UBA1: variants seen among roughly 807,000 people sequenced by gnomAD.
UBA1 encodes the protein ubiquitin-like modifier-activating enzyme 1.
A neutral mutation model predicts 84.7 loss-of-function variants in UBA1; 4 were observed. The observed-to-expected ratio is 0.05, with a 90% CI of 0.02 to 0.11. The LOEUF (loss-of-function observed/expected upper bound fraction) is 0.11. UBA1 is among the 10% of genes least tolerant of loss of function. The probability of loss-of-function intolerance (pLI) is 1.00; values close to 1 mark genes in which losing one functional copy is unlikely to be tolerated. For synonymous variants in UBA1, 364 were observed against 362.6 expected (o/e 1.00, Z -0.04); for missense variants, 513 against 902.8 (o/e 0.57, Z 5.53).
chrX:47,201,189 C>T, intron 6 of UBA1, 87 bp from the exon 7 acceptor site: 1 of 918,095 alleles, frequency 1.1e-6, no homozygotes, highest in Non-Finnish European at 1.6e-6. Context: ...TGAGTTTGCT[C>T]AGCAAGTTTT....
rs141049438 is a variant in UBA1, at chrX:47,202,827, G to A, written c.1233+13G>A. ...GGAAGTCATGAAGGTCAGCACGGGT[G>A]GGGAGAGGCAGGATTGGGGTGGGCC... On this transcript the variant is annotated intron_variant, in intron 11 of 25. Transcript: ENST00000335972. 523 of 1,203,847 alleles carry A rather than the reference G, an allele frequency of 4.3e-4. No individual in the cohort carries two copies. The African/African-American group carries it at 8.7e-3, about 20-fold the overall frequency.
chrX:47,206,643 AT>A (rs1393950238), intron 16 of UBA1, 199 bp downstream of exon 16: 83 of 436,792 alleles, frequency 1.9e-4, no homozygotes, highest in African/African-American at 1.4e-3. Context: ...TTTTATTTTG[AT>A]TTTTTTTTCA....
At chrX:47,212,232 T>C (rs1936955212) in intron 20 of UBA1, among the ~76,000 whole-genome samples, 192 bp from the exon 21 acceptor site, 1 of 110,798 alleles carries the variant, frequency 9.0e-6, no homozygotes, top group Admixed American at 9.6e-5. Context: ...CTCAGCTCTT[T>C]CTCTGTGTTT....
In UBA1 at chrX:47,206,190, C is replaced by T. The variant is rs5953008; in HGVS notation, c.1742-58C>T. On this transcript the variant is annotated intron_variant, in intron 15 of 25. Coordinates refer to ENST00000335972, the MANE Select transcript of UBA1 (RefSeq NM_003334.4). Reference sequence around the variant, plus strand: ...GTGTGTATATACCAAGAGGGGTGTCCGTCTTTCTGTCCTCTCCTGATGTTT... The same window carrying T: ...GTGTGTATATACCAAGAGGGGTGTCTGTCTTTCTGTCCTCTCCTGATGTTT... 0.016 allele frequency: 18,299 copies of T among 1,176,476 alleles called. 1,741 individuals are homozygous for T. The African/African-American group carries it at 0.28, about 18-fold the overall frequency.
chrX:47,203,363 C>A, intron 13 of UBA1, 149 bp downstream of exon 13: 1 of 830,351 alleles, frequency 1.2e-6, no homozygotes, highest in Non-Finnish European at 1.8e-6. Context: ...TCCCTCGTTT[C>A]CCCTTCTGGT....
chrX:47,208,123 G>A (rs782171278), intron 16 of UBA1, among the ~76,000 whole-genome samples: 3 of 112,469 alleles, frequency 2.7e-5, no homozygotes, highest in South Asian at 3.6e-4. Flanking sequence ...TAATGACTGC[G>A]AACTGTCCTA....
chrX:47,211,714 T>G (rs1329661861), intron 20 of UBA1, among the ~76,000 whole-genome samples: 1 of 106,534 alleles, frequency 9.4e-6, no homozygotes, highest in Non-Finnish European at 1.9e-5. Flanking sequence ...ACCCCTCCCT[T>G]CTGTATATGA....
rs1467364200 is a variant in UBA1, at chrX:47,197,998, T to G, written c.1-805T>G. The G allele has an allele frequency of 3.4e-6, 3 of 869,800 alleles. No individual in the cohort carries two copies. In the African/African-American group the frequency reaches 6.4e-5, roughly 19 times the overall value. The allele number at this position is 869,800 out of a possible 1,213,427, so 71.7% of individuals were successfully genotyped here. The stretch of plus-strand genomic sequence containing the variant: ...GATCAATCTAATACTCATTTATCAT[T>G]GTGGTTAACCTGTTTAAGGGACTCC... On this transcript the variant is annotated intron_variant, in intron 1 of 25. Transcript: ENST00000335972.
Position 47,202,444 on chromosome X carries a change from C to T in UBA1, c.996C>T (p.Gly332=). 2 of 1,208,224 alleles carry T rather than the reference C, an allele frequency of 1.7e-6. No homozygotes were observed. Among genetic ancestry groups the T allele is most frequent in the East Asian group, 3.0e-5 (1 of 33,697 alleles). ...KFSRPAQLHI[G]FQALHQFCAQ... ...CTCGCCCTGCCCAGCTGCACATTGG[C>T]TTCCAGGCCCTGCACCAGTTCTGTG... The change falls in exon 10 of 26, where the codon GGC becomes GGT. Residue 332 remains glycine, a synonymous_variant. Coordinates refer to ENST00000335972, the MANE Select transcript of UBA1 (RefSeq NM_003334.4).
chrX:47,211,153 G>A lies in UBA1; in HGVS notation c.2392G>A (p.Glu798Lys). Residue 798 changes from glutamate (E) to lysine (K), a missense_variant, in exon 20 of 26, where the codon GAA becomes AAA. Physicochemically the swap from Glu to Lys is moderately conservative, Grantham distance 56 (BLOSUM62 1). Around this residue, in one of 6 missense-constraint regions of UBA1, gnomAD observed 151 missense variants for 260.1 expected, o/e 0.58. Transcript: ENST00000335972. ...ATTCCTGCAGTCTGTGCAGGTCCCCGAATTCACCCCCAAGTCTGGCGTCAA... is the reference window on the plus strand; with the variant it reads ...ATTCCTGCAGTCTGTGCAGGTCCCCAAATTCACCCCCAAGTCTGGCGTCAA... ...ATFLQSVQVP[E>K]FTPKSGVKIH... 1 of 1,211,623 alleles carries A rather than the reference G, an allele frequency of 8.3e-7. No individual in the cohort carries two copies. Among genetic ancestry groups the A allele is most frequent in the Non-Finnish European group, 1.1e-6 (1 of 895,547 alleles).
At chrX:47,207,554 C>T (rs1556791539) in intron 16 of UBA1, among the ~76,000 whole-genome samples, 1 of 111,748 alleles carries the variant, frequency 8.9e-6, no homozygotes, top group African/African-American at 3.3e-5. Flanking sequence ...GTGACCACCA[C>T]CTGGGCCAAG....
At chrX:47,210,413 A>G (rs1452871462) in intron 18 of UBA1, among the ~76,000 whole-genome samples, 1 of 111,983 alleles carries the variant, frequency 8.9e-6, no homozygotes, top group Non-Finnish European at 1.9e-5. Context: ...ACAGGAATCA[A>G]TATGGGTTCA....
chrX:47,204,154 T>G (rs1556789768), intron 14 of UBA1, among the ~76,000 whole-genome samples: 1 of 95,667 alleles, frequency 1.0e-5, no homozygotes, highest in East Asian at 3.2e-4. Flanking sequence ...TTTTTTTTTT[T>G]TTTTTTTTTT....
chrX:47,196,695 C>T (rs1329004523), intron 1 of UBA1, among the ~76,000 whole-genome samples: 2 of 111,716 alleles, frequency 1.8e-5, no homozygotes, highest in Admixed American at 9.5e-5. Context: ...GAACAATCAT[C>T]TGAAACTTCT....
At chrX:47,213,315 T>G in intron 23 of UBA1, 134 bp downstream of exon 23, 2 of 662,783 alleles carry the variant, frequency 3.0e-6, no homozygotes, top group South Asian at 3.0e-5. Context: ...CCTTTTTCAC[T>G]TATTCATTAA....
In UBA1 at chrX:47,199,484, A is replaced by G; in HGVS notation, c.350A>G (p.Tyr117Cys). The change falls in exon 5 of 26, where the codon TAC becomes TGC. Residue 117 changes from tyrosine (Y) to cysteine (C), a missense_variant. Physicochemically the swap from Tyr to Cys is radical, Grantham distance 194. Transcript: ENST00000335972. Reference sequence around the variant, plus strand: ...CCCTACTGCACACCCTTACAGTTCTACCTGCGGGAGGAGGACATCGGTAAA... The same window carrying G: ...CCCTACTGCACACCCTTACAGTTCTGCCTGCGGGAGGAGGACATCGGTAAA... Reference protein sequence around the residue: ...AQWADLSSQFYLREEDIGKNR... With the variant: ...AQWADLSSQFCLREEDIGKNR... 8.3e-7 allele frequency: 1 copy of G among 1,210,472 alleles called. No individual in the cohort carries two copies. Among genetic ancestry groups the G allele is most frequent in the Non-Finnish European group, 1.1e-6 (1 of 895,210 alleles).
At chrX:47,201,404 G>A (rs1556787957) in intron 7 of UBA1, 38 bp downstream of exon 7, 2 of 1,207,476 alleles carry the variant, frequency 1.7e-6, no homozygotes, top group Non-Finnish European at 2.2e-6. Context: ...GCAGGCAGGT[G>A]GGCTGCAGTA....
intron 1 of UBA1, chrX:47,198,309 G>T: frequency 1.0e-6 from 1 of 973,108 alleles, no homozygotes; most frequent in Non-Finnish European, 1.3e-6. Flanking sequence ...TCTGTGCCAG[G>T]TTCTATGCTC....
At position 47,199,471 on chromosome X, in the gene UBA1, C is replaced by A. The variant is rs781959988; in HGVS notation, c.346-9C>A. 1 of 1,210,215 alleles carries A rather than the reference C, an allele frequency of 8.3e-7. No individual in the cohort carries two copies. The highest frequency in any genetic ancestry group is 1.1e-6 in the Non-Finnish European group (1 of 895,261). On this transcript the variant is annotated splice_polypyrimidine_tract_variant and intron_variant, in intron 4 of 25. Transcript: ENST00000335972. ...ATTTCATCTTTTTCCCTACTGCACA[C>A]CCTTACAGTTCTACCTGCGGGAGGA...
Sources: gnomAD v4.1 joint callset for allele counts (sites outside exome capture counted in the v4.1 genomes callset) on GRCh38, gnomAD v4.1.1 for gene constraint, gnomAD v4.1.1 regional missense constraint, MANE v1.5 for transcripts, NCBI Gene and HGNC (gene_info 2026-07-23, HGNC 2026-07-21) for gene names.